Variants in KATNAL2 observed in about 807,000 individuals in gnomAD.
KATNAL2 encodes the protein katanin p60 ATPase-containing subunit A-like 2.
KATNAL2 carries 52 observed loss-of-function variants against 76.3 expected under a neutral mutation model. The observed-to-expected ratio is 0.68, with a 90% CI of 0.55 to 0.86. The LOEUF is 0.86. KATNAL2 is among the 40% of genes least tolerant of loss of function. The pLI is 0.00. For synonymous variants in KATNAL2, 243 were observed against 244.2 expected (o/e 1.00, Z 0.05); for missense variants, 660 against 668.9 (o/e 0.99, Z 0.15).
chr18:46,960,319 A>T (rs1233249933), intron 3 of KATNAL2, among the ~76,000 whole-genome samples: 1 of 151,910 alleles, frequency 6.6e-6, no homozygotes, highest in East Asian at 1.9e-4. Flanking sequence ...GGCGCCTGTA[A>T]TGCCAGCTAC....
chr18:47,058,414 A>G, intron 7 of KATNAL2, 62 bp downstream of exon 7: 1 of 912,940 alleles, frequency 1.1e-6, no homozygotes, highest in East Asian at 2.4e-5. Context: ...GCCCTATGAA[A>G]AAGGTCACAT....
intron 3 of KATNAL2, chr18:47,035,400 C>G (rs1447896387): frequency 2.0e-6 from 3 of 1,494,612 alleles, no homozygotes; most frequent in Non-Finnish European, 2.7e-6. Flanking sequence ...GAGTCACAGC[C>G]TGGAGCGAGC....
chr18:47,032,806 C>G (rs2060536650), intron 3 of KATNAL2: 4 of 961,210 alleles, frequency 4.2e-6, no homozygotes, highest in South Asian at 1.7e-5. Context: ...CTGAGGTGTT[C>G]TCCAAGCTGG....
intron 3 of KATNAL2, chr18:47,033,771 C>T (rs374902915): frequency 1.1e-5 from 17 of 1,614,216 alleles, no homozygotes; most frequent in East Asian, 2.2e-5. Flanking sequence ...CAGCTTCCTC[C>T]CGGAACTTTG....
intron 15 of KATNAL2, chr18:47,099,033 C>G: frequency 2.4e-6 from 1 of 417,792 alleles, no homozygotes; most frequent in Non-Finnish European, 4.2e-6. Flanking sequence ...CTGCTTTCCT[C>G]TCTTCCCTTC....
At chr18:47,035,442 GGA>G (rs1569058233) in intron 3 of KATNAL2, 1 of 1,358,042 alleles carries the variant, frequency 7.4e-7, no homozygotes. Context: ...CACTTGGTCT[GGA>G]ACGGCCGTCC....
chr18:46,928,395 C>T (rs1256006867), intron 1 of KATNAL2, among the ~76,000 whole-genome samples: 1 of 152,168 alleles, frequency 6.6e-6, no homozygotes, highest in Non-Finnish European at 1.5e-5. Context: ...GGCTGCAGAA[C>T]AGCGGATATT....
chr18:47,059,468 C>T (rs892788609), intron 7 of KATNAL2, 88 bp from the exon 8 acceptor site: 30 of 866,416 alleles, frequency 3.5e-5, no homozygotes, highest in African/African-American at 3.3e-4. Flanking sequence ...TATCCAGCAT[C>T]GGACTTTGCT....
At chr18:47,096,580 C>T (rs574749565) in intron 15 of KATNAL2, among the ~76,000 whole-genome samples, 1 of 152,220 alleles carries the variant, frequency 6.6e-6, no homozygotes, top group East Asian at 1.9e-4. Flanking sequence ...ACCTCAGCTT[C>T]CCCAAGGGCT....
chr18:46,930,237 T>C (rs2058864786), intron 1 of KATNAL2, among the ~76,000 whole-genome samples: 1 of 152,238 alleles, frequency 6.6e-6, no homozygotes. Flanking sequence ...TTTGAAATGC[T>C]TGTTCTTGAC....
chr18:46,961,171 CA>C (rs1303502836), intron 3 of KATNAL2, among the ~76,000 whole-genome samples: 3 of 152,052 alleles, frequency 2.0e-5, no homozygotes, highest in African/African-American at 7.2e-5. Flanking sequence ...TCTTTAACTA[CA>C]AGGACCAGGT....
intron 1 of KATNAL2, among the ~76,000 whole-genome samples, chr18:46,936,332 A>G (rs2059090046): frequency 6.6e-6 from 1 of 152,238 alleles, no homozygotes; most frequent in African/African-American, 2.4e-5. Context: ...TAAATTTTAA[A>G]GAACTGAAAT....
intron 1 of KATNAL2, among the ~76,000 whole-genome samples, chr18:46,943,550 G>A (rs1202854828): frequency 2.0e-5 from 3 of 152,310 alleles, no homozygotes; most frequent in Admixed American, 6.5e-5. Context: ...GGCAATGTTA[G>A]GAAGTTACCC....
At chr18:47,069,444 T>C (rs1321818992) in intron 12 of KATNAL2, 38 bp from the exon 13 acceptor site, 33 of 1,524,118 alleles carry the variant, frequency 2.2e-5, no homozygotes, top group Non-Finnish European at 3.0e-5. Flanking sequence ...GGGGATGGAG[T>C]TGAAATGCCT....
In KATNAL2 at chr18:46,946,845, C is replaced by A; in HGVS notation, c.-19-9C>A. 1 of 1,534,516 alleles carries A rather than the reference C, an allele frequency of 6.5e-7. No homozygotes were observed. The highest frequency in any genetic ancestry group is 8.7e-7 in the Non-Finnish European group (1 of 1,145,792). On this transcript the variant is annotated splice_polypyrimidine_tract_variant and intron_variant, in intron 2 of 17. Coordinates refer to ENST00000683218, the MANE Select transcript of KATNAL2 (RefSeq NM_001387690.1). ...GCCCAGTAACTGACTACTTTTCTCC[C>A]TTCTCTAGGGTCCTAGCACAGTGTC... is the stretch of plus-strand genomic sequence containing the variant.
rs560135270 is a variant in KATNAL2 at position 47,070,439 on chromosome 18, A to G, written c.1008+839A>G. Among the ~76,000 whole-genome samples the G allele has an allele frequency of 2.2e-4, 33 of 152,146 alleles. No individual in the cohort carries two copies. In the South Asian group the frequency reaches 6.8e-3, roughly 32 times the overall value. ...AGGTTGTTTCCATCTTTACAATATC[A>G]CATTTATAGTTGATGTTATATTTTA... On this transcript the variant is annotated intron_variant, in intron 13 of 17. Coordinates refer to ENST00000683218, the MANE Select transcript of KATNAL2 (RefSeq NM_001387690.1).
At chr18:46,943,908 G>A (rs892045253) in intron 1 of KATNAL2, among the ~76,000 whole-genome samples, 2 of 152,152 alleles carry the variant, frequency 1.3e-5, no homozygotes, top group African/African-American at 4.8e-5. Context: ...AGTCCAAAAA[G>A]GACTTCCACA....
At chr18:47,031,394 T>C (rs1449644189) in intron 3 of KATNAL2, among the ~76,000 whole-genome samples, 1 of 152,102 alleles carries the variant, frequency 6.6e-6, no homozygotes, top group East Asian at 1.9e-4. Flanking sequence ...TAATTTCTCG[T>C]GTGACTTTTT....
chr18:47,095,382 T>C (rs895385473), intron 15 of KATNAL2, among the ~76,000 whole-genome samples: 9 of 152,150 alleles, frequency 5.9e-5, no homozygotes, highest in African/African-American at 1.9e-4. Flanking sequence ...AACTGAATCA[T>C]AGGGGTGGTT....
Sources: allele counts gnomAD v4.1 joint callset (sites outside exome capture counted in the v4.1 genomes callset), GRCh38; gene constraint gnomAD v4.1.1; transcripts MANE v1.5; gene names NCBI Gene and HGNC (gene_info 2026-07-23, HGNC 2026-07-21).